The following FGF14 variants were observed in gnomAD, a reference collection of about 807,000 sequenced individuals.
FGF14 encodes fibroblast growth factor 14, also known as fibroblast growth factor homologous factor 4.
FGF14 carries 5 observed loss-of-function variants against 25.5 expected under a neutral mutation model. That is an observed-to-expected ratio of 0.20 (90% CI 0.10 to 0.41). FGF14 has a LOEUF of 0.41. Ranked by LOEUF, FGF14 falls within the 10% of genes least tolerant of loss-of-function variation. The pLI, the probability that FGF14 is intolerant of heterozygous loss-of-function variation, is 1.00. For synonymous variants in FGF14, 138 were observed against 118.3 expected (o/e 1.17, Z -1.08); for missense variants, 222 against 320.1 (o/e 0.69, Z 2.34).
intron 1 of FGF14, among the ~76,000 whole-genome samples, chr13:101,905,739 T>C (rs1163156927): frequency 6.6e-6 from 1 of 152,102 alleles, no homozygotes; most frequent in African/African-American, 2.4e-5. Flanking sequence ...GAGGGAATCT[T>C]GTGGTTGACA....
In FGF14 at chr13:102,148,919, G is replaced by A. The variant is rs149580941; in HGVS notation, c.208+252552C>T. Among the ~76,000 whole-genome samples the A allele has an allele frequency of 8.4e-4, 128 of 152,222 alleles. 2 individuals carry two copies. The highest frequency in any genetic ancestry group is 7.9e-4 in the Admixed American group (12 of 15,278). On this transcript the variant is annotated intron_variant, in intron 1 of 4. Coordinates refer to the FGF14 transcript ENST00000376131. ...AGCCTCTTTGTGATCACTGACCAGC[G>A]CGTACCTGGAATATACAATGTGTGC...
intron 1 of FGF14, among the ~76,000 whole-genome samples, chr13:102,026,187 T>C (rs767965561): frequency 3.9e-5 from 6 of 152,140 alleles, no homozygotes; most frequent in Admixed American, 6.6e-5. Flanking sequence ...TCTTCATTGA[T>C]TGAGATGAGC....
At chr13:101,945,643 C>A (rs1164511661) in intron 1 of FGF14, among the ~76,000 whole-genome samples, 1 of 152,176 alleles carries the variant, frequency 6.6e-6, no homozygotes, top group African/African-American at 2.4e-5. Flanking sequence ...GCCTCAGCAG[C>A]CTGTTTCCCT....
At chr13:101,892,177 A>C (rs1196433222) in intron 1 of FGF14, among the ~76,000 whole-genome samples, 2 of 152,160 alleles carry the variant, frequency 1.3e-5, no homozygotes. Context: ...GCATCTTTTC[A>C]ATTTTTTTTG....
At chr13:101,816,152 C>T (rs2041834465) in intron 3 of FGF14, among the ~76,000 whole-genome samples, 1 of 151,170 alleles carries the variant, frequency 6.6e-6, no homozygotes, top group South Asian at 2.1e-4. Context: ...CGCCTGTAGT[C>T]CCAGCTACTT....
intron 1 of FGF14, among the ~76,000 whole-genome samples, chr13:102,205,984 T>A (rs1385323797): frequency 0.016 from 753 of 46,648 alleles, no homozygotes; most frequent in East Asian, 0.031. Flanking sequence ...CTCCCTGTGG[T>A]AAAAAAAAAA....
intron 1 of FGF14, among the ~76,000 whole-genome samples, chr13:102,053,669 T>C (rs1177302802): frequency 6.6e-6 from 1 of 152,104 alleles, no homozygotes; most frequent in Non-Finnish European, 1.5e-5. Context: ...GCTTTATAAA[T>C]GTTTAAGTCT....
chr13:101,715,770 T>C lies in FGF14; in HGVS notation c.*7061A>G. On this transcript the variant is annotated 3_prime_UTR_variant, in exon 5 of 5. Transcript: ENST00000376143. ...CAGGTTAAAAAGACCATTGTATGTTTTTCTATTTCTGAATTACGAATGAAA... is the reference window on the plus strand; with the variant it reads ...CAGGTTAAAAAGACCATTGTATGTTCTTCTATTTCTGAATTACGAATGAAA... 2 of 601,988 alleles carry C rather than the reference T, an allele frequency of 3.3e-6. No homozygotes were observed. The highest frequency in any genetic ancestry group is 3.0e-6 in the Non-Finnish European group (1 of 335,172). The allele number at this position is 601,988 out of a possible 1,614,324, so 37.3% of individuals were successfully genotyped here.
chr13:102,231,263 C>T (rs1262995452), intron 1 of FGF14, among the ~76,000 whole-genome samples: 1 of 152,086 alleles, frequency 6.6e-6, no homozygotes, highest in South Asian at 2.1e-4. Flanking sequence ...AAATCAACAG[C>T]TTATCAAGGT....
At chr13:102,040,689 G>A (rs1008073957) in intron 1 of FGF14, among the ~76,000 whole-genome samples, 3 of 152,174 alleles carry the variant, frequency 2.0e-5, no homozygotes, top group Non-Finnish European at 4.4e-5. Context: ...AGCCCTGAAA[G>A]CTATTGAATC....
intron 1 of FGF14, among the ~76,000 whole-genome samples, chr13:102,261,942 G>T (rs1022468663): frequency 6.6e-6 from 1 of 152,130 alleles, no homozygotes; most frequent in African/African-American, 2.4e-5. Flanking sequence ...ACTGTATCAG[G>T]ACGCATGGAG....
At chr13:102,243,325 G>A (rs922958242) in intron 1 of FGF14, among the ~76,000 whole-genome samples, 1 of 152,038 alleles carries the variant, frequency 6.6e-6, no homozygotes, top group Non-Finnish European at 1.5e-5. Flanking sequence ...ACCAAATTCT[G>A]CCTTTTAATG....
intron 1 of FGF14, among the ~76,000 whole-genome samples, chr13:102,200,245 A>G (rs2049555150): frequency 6.6e-6 from 1 of 152,228 alleles, no homozygotes; most frequent in African/African-American, 2.4e-5. Flanking sequence ...GCATGAATAT[A>G]TGTGCATTTA....
intron 1 of FGF14, among the ~76,000 whole-genome samples, chr13:102,165,715 A>G (rs2047976618): frequency 6.7e-6 from 1 of 149,366 alleles, no homozygotes; most frequent in Non-Finnish European, 1.5e-5. Context: ...CCTAATGCTA[A>G]ATGACGAGTT....
chr13:102,005,011 T>C (rs376079698), intron 1 of FGF14, among the ~76,000 whole-genome samples: 1 of 152,198 alleles, frequency 6.6e-6, no homozygotes, highest in East Asian at 1.9e-4. Context: ...CATAGCAGCA[T>C]GAAAATGAAC....
chr13:101,774,368 G>A (rs569600074), intron 3 of FGF14, among the ~76,000 whole-genome samples: 1 of 152,238 alleles, frequency 6.6e-6, no homozygotes, highest in African/African-American at 2.4e-5. Flanking sequence ...GAAACCAGTC[G>A]AGATCCAGAG....
chr13:102,226,790 A>C (rs1396756607), intron 1 of FGF14, among the ~76,000 whole-genome samples: 1 of 152,142 alleles, frequency 6.6e-6, no homozygotes, highest in South Asian at 2.1e-4. Context: ...CTTTATTTCT[A>C]ACACTGTCAG....
At chr13:101,724,596 A>AT in intron 4 of FGF14, among the ~76,000 whole-genome samples, 2 of 40,258 alleles carry the variant, frequency 5.0e-5, no homozygotes, top group Non-Finnish European at 9.4e-5. Flanking sequence ...TATAATAATA[A>AT]AATATATATA....
chr13:102,348,468 CAATT>C (rs1187049957), intron 1 of FGF14, among the ~76,000 whole-genome samples: 2 of 152,118 alleles, frequency 1.3e-5, no homozygotes, highest in Non-Finnish European at 2.9e-5. Context: ...TTAAGGAAGA[CAATT>C]AAGGACTACA....
Sources: allele counts gnomAD v4.1 joint callset (sites outside exome capture counted in the v4.1 genomes callset), GRCh38; gene constraint gnomAD v4.1.1; transcripts MANE v1.5; gene names NCBI Gene and HGNC (gene_info 2026-07-23, HGNC 2026-07-21).